CDK8: variants seen among roughly 807,000 people sequenced by gnomAD.
CDK8 encodes cyclin dependent kinase 8.
CDK8 carries 29 observed loss-of-function variants against 71.5 expected under a neutral mutation model. The ratio of observed to expected loss-of-function variants is 0.41; its 90% CI spans 0.30 to 0.55. The LOEUF (loss-of-function observed/expected upper bound fraction) is 0.55. CDK8 is among the 20% of genes least tolerant of loss of function. CDK8 has a pLI of 0.37. For synonymous variants in CDK8, 161 were observed against 192.1 expected, an observed-to-expected ratio of 0.84 and a Z score of 1.34; for missense variants, 288 against 572.6, an observed-to-expected ratio of 0.50 and a Z score of 5.07.
At chr13:26,290,961 A>AG (rs1291152196) in intron 1 of CDK8, among the ~76,000 whole-genome samples, 1 of 151,902 alleles carries the variant, frequency 6.6e-6, no homozygotes, top group Non-Finnish European at 1.5e-5. Context: ...CTAAAAAAAA[A>AG]TATAAAAATT....
At chr13:26,258,214 G>A (rs1462134937) in intron 1 of CDK8, among the ~76,000 whole-genome samples, 1 of 152,054 alleles carries the variant, frequency 6.6e-6, no homozygotes. Flanking sequence ...AGAGGATTAG[G>A]CGCAGGTTTT....
At chr13:26,382,783 A>C (rs1257131317) in intron 4 of CDK8, 31 bp from the exon 5 acceptor site, 3 of 1,416,794 alleles carry the variant, frequency 2.1e-6, no homozygotes, top group Non-Finnish European at 2.9e-6. Context: ...ACTACTGTCT[A>C]CTGAAAAAAA....
chr13:26,335,229 T>C (rs1872926575), intron 1 of CDK8, among the ~76,000 whole-genome samples: 2 of 152,226 alleles, frequency 1.3e-5, no homozygotes, highest in Admixed American at 1.3e-4. Context: ...TTCTGCAATA[T>C]AGACCCTGCC....
At chr13:26,308,764 C>G (rs189875892) in intron 1 of CDK8, among the ~76,000 whole-genome samples, 177 of 152,286 alleles carry the variant, frequency 1.2e-3, no homozygotes, top group African/African-American at 4.0e-3. Flanking sequence ...GCTTCTAGTT[C>G]CTCACTTTCC....
At chr13:26,300,543 A>G (rs920100936) in intron 1 of CDK8, among the ~76,000 whole-genome samples, 1 of 152,240 alleles carries the variant, frequency 6.6e-6, no homozygotes, top group Non-Finnish European at 1.5e-5. Context: ...ATTACTGTAT[A>G]CTTGAATAAG....
At chr13:26,268,746 G>C (rs904306285) in intron 1 of CDK8, among the ~76,000 whole-genome samples, 11 of 152,084 alleles carry the variant, frequency 7.2e-5, no homozygotes, top group African/African-American at 2.7e-4. Flanking sequence ...ACTTTCATCA[G>C]ATTTCTCTAT....
intron 9 of CDK8, 102 bp from the exon 10 acceptor site, chr13:26,400,351 T>C (rs965850465): frequency 1.4e-6 from 1 of 720,114 alleles, no homozygotes; most frequent in Non-Finnish European, 2.5e-6. Context: ...ATTTTCCAAA[T>C]TGTGATGTTA....
chr13:26,349,227 T>A (rs1199629345), intron 3 of CDK8, 45 bp downstream of exon 3: 5 of 1,055,636 alleles, frequency 4.7e-6, no homozygotes, highest in East Asian at 2.4e-5. Flanking sequence ...TCAGGGATTG[T>A]TAAGAGTAAC....
chr13:26,384,246 GTT>G (rs35004387), intron 5 of CDK8, among the ~76,000 whole-genome samples: 38 of 147,544 alleles, frequency 2.6e-4, no homozygotes, highest in Non-Finnish European at 4.8e-4. Flanking sequence ...CAACTTTTGG[GTT>G]TTTTTTTTTA....
intron 12 of CDK8, 68 bp from the exon 13 acceptor site, chr13:26,403,888 G>C: frequency 1.3e-6 from 2 of 1,564,720 alleles, no homozygotes; most frequent in Non-Finnish European, 1.7e-6. Context: ...TGACACTTCA[G>C]TCACATATTG....
intron 1 of CDK8, among the ~76,000 whole-genome samples, chr13:26,262,138 A>G (rs1390389864): frequency 6.6e-6 from 1 of 152,216 alleles, no homozygotes; most frequent in Non-Finnish European, 1.5e-5. Flanking sequence ...CTCAGAAAAA[A>G]ATCCTAACTA....
intron 5 of CDK8, among the ~76,000 whole-genome samples, chr13:26,383,230 C>T (rs1050667666): frequency 6.6e-6 from 1 of 152,132 alleles, no homozygotes; most frequent in Non-Finnish European, 1.5e-5. Context: ...CAGTTGTGTT[C>T]GCTTGAGTCA....
intron 1 of CDK8, among the ~76,000 whole-genome samples, chr13:26,333,476 G>A (rs1414569556): frequency 6.6e-6 from 1 of 152,066 alleles, no homozygotes; most frequent in African/African-American, 2.4e-5. Context: ...GTACTTAAGT[G>A]TAAGAAAATA....
intron 8 of CDK8, among the ~76,000 whole-genome samples, chr13:26,396,708 G>T (rs1464512815): frequency 6.6e-6 from 1 of 152,046 alleles, no homozygotes; most frequent in Non-Finnish European, 1.5e-5. Flanking sequence ...ACCAATCTAG[G>T]TTACAGTAAT....
chr13:26,316,607 C>T (rs923063455), intron 1 of CDK8, among the ~76,000 whole-genome samples: 1 of 152,040 alleles, frequency 6.6e-6, no homozygotes, highest in Non-Finnish European at 1.5e-5. Context: ...TCAGAAAAAA[C>T]CTGAGAAGAC....
chr13:26,257,368 T>C (rs1871569088), intron 1 of CDK8, among the ~76,000 whole-genome samples: 1 of 152,230 alleles, frequency 6.6e-6, no homozygotes, highest in Admixed American at 6.5e-5. Context: ...GCTTAAATTA[T>C]TAAGTTTTAG....
chr13:26,354,751 C>T (rs1189679651), intron 4 of CDK8, among the ~76,000 whole-genome samples: 1 of 152,120 alleles, frequency 6.6e-6, no homozygotes, highest in African/African-American at 2.4e-5. Context: ...CACCCCGCTC[C>T]GTGGAAAAAC....
intron 1 of CDK8, among the ~76,000 whole-genome samples, chr13:26,269,849 T>A (rs771378333): frequency 6.6e-6 from 1 of 152,166 alleles, no homozygotes; most frequent in African/African-American, 2.4e-5. Flanking sequence ...TAGCATTTGC[T>A]ACTAGTTACT....
intron 2 of CDK8, among the ~76,000 whole-genome samples, chr13:26,342,374 C>T (rs530252161): frequency 9.2e-5 from 14 of 152,192 alleles, no homozygotes; most frequent in Non-Finnish European, 1.6e-4. Context: ...AGCATCACAG[C>T]GTCAAACACA....
Sources: gnomAD v4.1 joint callset for allele counts (sites outside exome capture counted in the v4.1 genomes callset) on GRCh38, gnomAD v4.1.1 for gene constraint, MANE v1.5 for transcripts, NCBI Gene and HGNC (gene_info 2026-07-23, HGNC 2026-07-21) for gene names.